Variants in CTNND2 observed in about 807,000 individuals in gnomAD.
CTNND2 encodes the protein catenin delta 2, also known as catenin delta-2.
A neutral mutation model predicts 144.4 loss-of-function variants in CTNND2; 22 were observed. The observed-to-expected ratio is 0.15, with a 90% CI of 0.11 to 0.22. CTNND2 has a LOEUF of 0.22. Among genes scored for constraint, CTNND2 ranks in the 10% least tolerant of loss-of-function variants. The pLI, the probability that CTNND2 is intolerant of heterozygous loss-of-function variation, is 1.00. For synonymous variants in CTNND2, 751 were observed against 695.6 expected (o/e 1.08, Z -1.25); for missense variants, 1,353 against 1,618.8 (o/e 0.84, Z 2.82).
chr5:11,344,938 A>G (rs1754620240), intron 9 of CTNND2, among the ~76,000 whole-genome samples: 1 of 152,214 alleles, frequency 6.6e-6, no homozygotes, highest in South Asian at 2.1e-4. Context: ...TTTCTTATTA[A>G]GCTAAATTCC....
At chr5:11,599,027 G>A (rs1316963676) in intron 2 of CTNND2, among the ~76,000 whole-genome samples, 1 of 152,154 alleles carries the variant, frequency 6.6e-6, no homozygotes, top group East Asian at 1.9e-4. Flanking sequence ...GCAGGGAACT[G>A]CCACACACTT....
At chr5:11,618,099 TA>T (rs1780664419) in intron 2 of CTNND2, among the ~76,000 whole-genome samples, 1 of 152,042 alleles carries the variant, frequency 6.6e-6, no homozygotes, top group South Asian at 2.1e-4. Context: ...TTTTTTTTTT[TA>T]ATACCATTCA....
chr5:11,166,070 A>T (rs1343530348), intron 11 of CTNND2, among the ~76,000 whole-genome samples: 1 of 152,178 alleles, frequency 6.6e-6, no homozygotes. Flanking sequence ...GCTGGGCTTC[A>T]TTCATTTTAA....
intron 1 of CTNND2, among the ~76,000 whole-genome samples, chr5:11,821,307 C>T (rs1006995206): frequency 6.6e-6 from 1 of 152,100 alleles, no homozygotes; most frequent in Admixed American, 6.6e-5. Context: ...GTAGTCTGTA[C>T]AGTGTACTTC....
chr5:11,745,348 ACT>A (rs889341845), intron 1 of CTNND2, among the ~76,000 whole-genome samples: 2 of 151,910 alleles, frequency 1.3e-5, no homozygotes, highest in African/African-American at 4.8e-5. Context: ...GAAGTGAGCC[ACT>A]CTCTACAACT....
intron 3 of CTNND2, among the ~76,000 whole-genome samples, chr5:11,519,632 TTTTATTTCCTTA>T (rs1772533318): frequency 6.6e-6 from 1 of 152,110 alleles, no homozygotes; most frequent in African/African-American, 2.4e-5. Context: ...ATTATCTGGA[TTTTATTTCCTTA>T]TTTATTGGTT....
At chr5:11,708,804 A>G (rs760065299) in intron 2 of CTNND2, among the ~76,000 whole-genome samples, 1 of 152,136 alleles carries the variant, frequency 6.6e-6, no homozygotes, top group Non-Finnish European at 1.5e-5. Flanking sequence ...ATCACCCTGA[A>G]GAGTACCCTC....
chr5:11,710,539 CAAAAAAAAAA>C (rs1197887467), intron 2 of CTNND2, among the ~76,000 whole-genome samples: 1 of 68,780 alleles, frequency 1.5e-5, no homozygotes, highest in Non-Finnish European at 3.1e-5. Context: ...GACTCCATCT[CAAAAAAAAAA>C]AAAAAAAAGA....
intron 9 of CTNND2, among the ~76,000 whole-genome samples, chr5:11,260,033 G>A (rs1744699780): frequency 6.6e-6 from 1 of 152,180 alleles, no homozygotes; most frequent in East Asian, 1.9e-4. Context: ...ATGCAGCTCT[G>A]CATATGGTGA....
chr5:11,593,250 C>T (rs1779346223), intron 2 of CTNND2, among the ~76,000 whole-genome samples: 1 of 152,002 alleles, frequency 6.6e-6, no homozygotes, highest in Non-Finnish European at 1.5e-5. Context: ...ATTCTGTTTA[C>T]CAAAGACCCC....
At chr5:11,244,875 C>T (rs992061849) in intron 9 of CTNND2, among the ~76,000 whole-genome samples, 1 of 152,224 alleles carries the variant, frequency 6.6e-6, no homozygotes, top group Non-Finnish European at 1.5e-5. Context: ...ACCCAGCCAG[C>T]AGCTCCTCCT....
intron 10 of CTNND2, among the ~76,000 whole-genome samples, chr5:11,216,308 G>T (rs980217877): frequency 6.6e-6 from 1 of 152,216 alleles, no homozygotes; most frequent in Non-Finnish European, 1.5e-5. Context: ...AGGAATTAAG[G>T]TTGAAGATGG....
intron 11 of CTNND2, among the ~76,000 whole-genome samples, chr5:11,197,643 C>T (rs770744363): frequency 1.1e-4 from 17 of 152,096 alleles, no homozygotes; most frequent in South Asian, 2.1e-4. Flanking sequence ...CGTGAACGGC[C>T]GACACCCAGA....
chr5:11,206,624 G>C (rs1211704541), intron 10 of CTNND2, among the ~76,000 whole-genome samples: 1 of 152,164 alleles, frequency 6.6e-6, no homozygotes, highest in African/African-American at 2.4e-5. Context: ...GTAAGTCTTA[G>C]TGCATTCTGA....
chr5:11,744,503 G>A (rs1024239081), intron 1 of CTNND2, among the ~76,000 whole-genome samples: 1 of 152,294 alleles, frequency 6.6e-6, no homozygotes, highest in East Asian at 1.9e-4. Flanking sequence ...CACAGGGTTA[G>A]AGCAGAGAGG....
chr5:11,448,806 C>T (rs575663650), intron 3 of CTNND2, among the ~76,000 whole-genome samples: 2 of 152,094 alleles, frequency 1.3e-5, no homozygotes, highest in East Asian at 1.9e-4. Context: ...AAAGCTGGAA[C>T]TATAGGCGTG....
intron 16 of CTNND2, among the ~76,000 whole-genome samples, chr5:11,041,425 C>T (rs1744688868): frequency 6.6e-6 from 1 of 152,148 alleles, no homozygotes; most frequent in Non-Finnish European, 1.5e-5. Flanking sequence ...AGAGCTGTCT[C>T]CTGAGCTTTG....
At chr5:11,450,070 C>G (rs1222690905) in intron 3 of CTNND2, among the ~76,000 whole-genome samples, 1 of 152,214 alleles carries the variant, frequency 6.6e-6, no homozygotes, top group East Asian at 1.9e-4. Context: ...CAAGGGCTGG[C>G]TTGTCTATAC....
chr5:11,004,499 A>T (rs934145523), intron 18 of CTNND2, among the ~76,000 whole-genome samples: 3 of 152,162 alleles, frequency 2.0e-5, no homozygotes, highest in African/African-American at 7.2e-5. Context: ...CGCAGTGGCT[A>T]ATGCCTGGAA....
Sources: gnomAD v4.1 joint callset for allele counts (sites outside exome capture counted in the v4.1 genomes callset) on GRCh38, gnomAD v4.1.1 for gene constraint, MANE v1.5 for transcripts, NCBI Gene and HGNC (gene_info 2026-07-23, HGNC 2026-07-21) for gene names.